CACUL1: variants seen among roughly 807,000 people sequenced by gnomAD.
CACUL1 encodes the protein CDK2-associated and cullin domain-containing protein 1.
Under a neutral mutation model 45.2 loss-of-function variants are expected in CACUL1, and 13 were observed. That is an observed-to-expected ratio of 0.29 (90% CI 0.19 to 0.46). The LOEUF (loss-of-function observed/expected upper bound fraction) is 0.46, where lower values mean the gene tolerates loss of function less well. CACUL1 is among the 20% of genes least tolerant of loss of function. The pLI is 1.00. For synonymous variants in CACUL1, 197 were observed against 174.2 expected (o/e 1.13, Z -1.03); for missense variants, 421 against 471.4 (o/e 0.89, Z 0.99).
rs1469674730 is a variant in CACUL1 at position 118,682,395 on chromosome 10, C to CG, written c.*3732dup. The CG allele has an allele frequency of 6.6e-6, 1 of 151,914 alleles. No homozygotes were observed. The highest frequency in any genetic ancestry group is 1.5e-5 in the Non-Finnish European group (1 of 67,966). The allele number at this position is 151,914 out of a possible 1,614,324, so 9.4% of individuals were successfully genotyped here. Reference sequence around the variant, plus strand: ...ACAAAAATAATTAACTGCTATAAAACGGGAAAAAAAGTAGAAGAAAATAAA... The same window carrying CG: ...ACAAAAATAATTAACTGCTATAAAACGGGGAAAAAAAGTAGAAGAAAATAAA... On this transcript the variant is annotated 3_prime_UTR_variant, in exon 9 of 9. Coordinates refer to ENST00000369151, the MANE Select transcript of CACUL1 (RefSeq NM_153810.5).
In CACUL1 at chr10:118,684,400, A is replaced by G. The variant is rs1845184700; in HGVS notation, c.*1728T>C. The G allele has an allele frequency of 6.6e-6, 1 of 152,242 alleles. No individual in the cohort carries two copies. Among genetic ancestry groups the G allele is most frequent in the Non-Finnish European group, 1.5e-5 (1 of 68,038 alleles). The allele number at this position is 152,242 out of a possible 1,614,324, so 9.4% of individuals were successfully genotyped here. On this transcript the variant is annotated 3_prime_UTR_variant, in exon 9 of 9. Transcript: ENST00000369151. ...GATGAATGGAATTCTCCTTGATACTAGAATGTTACCAGTGTAGCAACTTAA... is the reference window on the plus strand; with the variant it reads ...GATGAATGGAATTCTCCTTGATACTGGAATGTTACCAGTGTAGCAACTTAA...
intron 4 of CACUL1, among the ~76,000 whole-genome samples, chr10:118,701,854 G>C (rs959220334): frequency 1.3e-5 from 2 of 152,106 alleles, no homozygotes; most frequent in African/African-American, 4.8e-5. Context: ...TCAGCTTCTG[G>C]CATTCCCTGG....
intron 7 of CACUL1, 157 bp from the exon 8 acceptor site, chr10:118,686,798 A>G: frequency 1.6e-6 from 1 of 624,936 alleles, no homozygotes; most frequent in Non-Finnish European, 2.9e-6. Context: ...GATGTACCTC[A>G]CTATGCTTTC....
chr10:118,736,359 C>T (rs115536361), intron 1 of CACUL1, among the ~76,000 whole-genome samples: 4,031 of 151,894 alleles, frequency 0.027, 75 homozygotes, highest in South Asian at 0.058. Context: ...AAAAAAGTTA[C>T]AGGAAGCTAA....
Position 118,683,389 on chromosome 10 carries a change from C to CAAAAAAAAAAAA in CACUL1, c.*2727_*2738dup, listed in dbSNP as rs34473974. On this transcript the variant is annotated 3_prime_UTR_variant, in exon 9 of 9. Transcript: ENST00000369151. Reference sequence around the variant, plus strand: ...ACCATATACTGTACTGGCAAGAATACAAAAAAAAAAAAAAAAAAGGCCAGG... The same window carrying CAAAAAAAAAAAA: ...ACCATATACTGTACTGGCAAGAATACAAAAAAAAAAAAAAAAAAAAAAAAAAAAAAGGCCAGG... The CAAAAAAAAAAAA allele has an allele frequency of 7.6e-5, 8 of 105,682 alleles. No individual in the cohort carries two copies. Among genetic ancestry groups the CAAAAAAAAAAAA allele is most frequent in the African/African-American group, 1.6e-4 (4 of 25,234 alleles). 6.5% of individuals were successfully genotyped at this position (105,682 alleles called of 1,614,324 possible).
chr10:118,692,064 T>C (rs1845277072), intron 6 of CACUL1, among the ~76,000 whole-genome samples: 1 of 151,944 alleles, frequency 6.6e-6, no homozygotes, highest in Admixed American at 6.6e-5. Flanking sequence ...GGTGTAAATA[T>C]CAGCCTTATT....
chr10:118,690,763 G>A (rs1564827786), intron 7 of CACUL1, among the ~76,000 whole-genome samples: 2 of 152,148 alleles, frequency 1.3e-5, no homozygotes, highest in Non-Finnish European at 2.9e-5. Flanking sequence ...CAAAATGTAT[G>A]GGCCGGGCAT....
chr10:118,706,940 G>A (rs1352324448), intron 4 of CACUL1, among the ~76,000 whole-genome samples: 1 of 152,130 alleles, frequency 6.6e-6, no homozygotes, highest in Non-Finnish European at 1.5e-5. Context: ...AGAAGAACGG[G>A]GATCATGGTT....
rs974185444 is a variant in CACUL1, at chr10:118,682,137, C to T, written c.*3991G>A. ...TTAAGGACCCTTTAAAAGGCCTAGA[C>T]TTGGATTAAAGTAAACGTAATATTC... On this transcript the variant is annotated 3_prime_UTR_variant, in exon 9 of 9. Coordinates refer to ENST00000369151, the MANE Select transcript of CACUL1 (RefSeq NM_153810.5). 12 of 152,290 alleles carry T rather than the reference C, an allele frequency of 7.9e-5. No individual in the cohort carries two copies. The South Asian group carries it at 1.4e-3, about 18-fold the overall frequency. The allele number at this position is 152,290 out of a possible 1,614,324, so 9.4% of individuals were successfully genotyped here.
intron 5 of CACUL1, among the ~76,000 whole-genome samples, chr10:118,698,493 G>A (rs1204524169): frequency 6.6e-6 from 1 of 152,080 alleles, no homozygotes; most frequent in African/African-American, 2.4e-5. Context: ...TGGAATTTGG[G>A]CTCTGTGACC....
chr10:118,691,852 G>GC (rs1327917002), intron 6 of CACUL1, among the ~76,000 whole-genome samples: 1 of 125,222 alleles, frequency 8.0e-6, no homozygotes, highest in Non-Finnish European at 1.6e-5. Flanking sequence ...GGGCGACAGA[G>GC]CGAGACTCCG....
At chr10:118,690,732 C>T (rs1845257123) in intron 7 of CACUL1, among the ~76,000 whole-genome samples, 1 of 152,178 alleles carries the variant, frequency 6.6e-6, no homozygotes, top group Non-Finnish European at 1.5e-5. Flanking sequence ...TAACTGCTCA[C>T]CCAGTGGGAA....
At chr10:118,698,496 C>T (rs552630863) in intron 5 of CACUL1, among the ~76,000 whole-genome samples, 1 of 152,264 alleles carries the variant, frequency 6.6e-6, no homozygotes, top group Admixed American at 6.5e-5. Context: ...AATTTGGGCT[C>T]TGTGACCCTC....
intron 3 of CACUL1, among the ~76,000 whole-genome samples, chr10:118,707,815 A>G (rs1194744328): frequency 1.3e-5 from 2 of 152,156 alleles, no homozygotes; most frequent in African/African-American, 4.8e-5. Context: ...GTGTAACCTC[A>G]ACACGTTAAT....
intron 3 of CACUL1, among the ~76,000 whole-genome samples, chr10:118,723,563 G>A (rs960768639): frequency 6.6e-6 from 1 of 152,090 alleles, no homozygotes; most frequent in South Asian, 2.1e-4. Context: ...TACTGGTGAT[G>A]AATTCTCCCA....
In CACUL1 at chr10:118,754,615, G is replaced by A; in HGVS notation, c.148C>T (p.Arg50Ter). 1.2e-6 allele frequency: 2 copies of A among 1,608,658 alleles called. No individual in the cohort carries two copies. The highest frequency in any genetic ancestry group is 1.7e-6 in the Non-Finnish European group (2 of 1,177,682). The change falls in exon 1 of 9, where the codon CGA (arginine) becomes TGA (stop). Residue 50 changes from arginine to a stop codon, truncating the protein, a stop_gained. Coordinates refer to ENST00000369151, the MANE Select transcript of CACUL1 (RefSeq NM_153810.5). LOFTEE classifies it high-confidence loss of function. ...AGCAGCTGCCCCCCCGGAGGCTCTC[G>A]GGCAGGGGCCGGGATCGACGAGGGG... ...PPPSSIPAPAREPPGGQLLAV... is the reference protein window; with the variant it reads ...PPPSSIPAPA
intron 3 of CACUL1, among the ~76,000 whole-genome samples, chr10:118,719,028 C>T (rs943321782): frequency 6.6e-6 from 1 of 152,184 alleles, no homozygotes; most frequent in East Asian, 1.9e-4. Flanking sequence ...TCAACATGCA[C>T]AGAGATGTCC....
At chr10:118,717,111 A>C (rs979984720) in intron 3 of CACUL1, among the ~76,000 whole-genome samples, 2 of 152,192 alleles carry the variant, frequency 1.3e-5, no homozygotes, top group Non-Finnish European at 2.9e-5. Flanking sequence ...TTTTAGTGAG[A>C]ACTTCAGGGA....
intron 1 of CACUL1, among the ~76,000 whole-genome samples, chr10:118,737,703 A>C (rs1464288360): frequency 4.6e-5 from 7 of 152,072 alleles, no homozygotes; most frequent in Non-Finnish European, 7.4e-5. Context: ...AAAAAAAAAA[A>C]AAACCTAGCT....
Sources: gnomAD v4.1 joint callset for allele counts (sites outside exome capture counted in the v4.1 genomes callset) on GRCh38, gnomAD v4.1.1 for gene constraint, MANE v1.5 for transcripts, NCBI Gene and HGNC (gene_info 2026-07-23, HGNC 2026-07-21) for gene names.